Variants in LAMA2 observed in about 807,000 individuals in gnomAD.
LAMA2 encodes laminin subunit alpha 2.
LAMA2 carries 269 observed loss-of-function variants against 364.8 expected under a neutral mutation model. The ratio of observed to expected loss-of-function variants is 0.74; its 90% CI spans 0.67 to 0.82. The LOEUF is 0.82. Ranked by LOEUF, LAMA2 falls within the 40% of genes least tolerant of loss-of-function variation. LAMA2 has a pLI of 0.00. For synonymous variants in LAMA2, 1,379 were observed against 1,370.6 expected (o/e 1.01, Z -0.14); for missense variants, 3,807 against 3,873.2 (o/e 0.98, Z 0.45).
At chr6:129,455,136 G>A (rs1782887113) in intron 47 of LAMA2, among the ~76,000 whole-genome samples, 1 of 152,088 alleles carries the variant, frequency 6.6e-6, no homozygotes, top group South Asian at 2.1e-4. Flanking sequence ...GGAGGCTGAG[G>A]CAGGAGGATC....
intron 1 of LAMA2, among the ~76,000 whole-genome samples, chr6:128,940,731 C>A (rs898427800): frequency 6.6e-6 from 1 of 152,106 alleles, no homozygotes; most frequent in East Asian, 1.9e-4. Flanking sequence ...GTGAGAGAAT[C>A]GCTTGAGCTC....
chr6:129,293,149 A>G (rs1789837595), intron 20 of LAMA2: 1 of 904,280 alleles, frequency 1.1e-6, no homozygotes, highest in Non-Finnish European at 1.3e-6. Flanking sequence ...GTGGCATTTT[A>G]CCAAATAACA....
rs751758230 is a variant in LAMA2, at chr6:129,252,321, C to T, written c.2096+26C>T. ...GTAAAATCAAGAACTGCAGCTCCAA[C>T]GTTCACACATTTACTTTGGGGCCAA... On this transcript the variant is annotated intron_variant, in intron 14 of 64. Coordinates refer to ENST00000421865, the MANE Select transcript of LAMA2 (RefSeq NM_000426.4). 1.1e-5 allele frequency: 17 copies of T among 1,557,148 alleles called. No individual in the cohort carries two copies. The East Asian group carries it at 1.6e-4, about 14-fold the overall frequency.
Position 129,465,254 on chromosome 6 carries a change from G to A in LAMA2, c.7265G>A (p.Trp2422Ter). The change falls in exon 51 of 65, where the codon TGG becomes TAG. Residue 2422 changes from tryptophan (W) to a stop codon, truncating the protein, a stop_gained. Coordinates refer to ENST00000421865, the MANE Select transcript of LAMA2 (RefSeq NM_000426.4). LOFTEE classifies it high-confidence loss of function. ...VSNQNHNDGK[W>*]KSFTLSRIQK... ...AATCAAAACCATAATGATGGGAAAT[G>A]GAAATCATTCACTCTGTCAAGAATT... 1 of 1,611,512 alleles carries A rather than the reference G, an allele frequency of 6.2e-7. No homozygotes were observed. The highest frequency in any genetic ancestry group is 1.1e-5 in the South Asian group (1 of 91,036).
intron 27 of LAMA2, among the ~76,000 whole-genome samples, chr6:129,316,888 G>A (rs1206812512): frequency 3.3e-5 from 5 of 152,176 alleles, no homozygotes; most frequent in Admixed American, 2.6e-4. Flanking sequence ...TGTGACACAT[G>A]AGCCCAATAT....
At chr6:129,447,691 T>A (rs1782458568) in intron 45 of LAMA2, among the ~76,000 whole-genome samples, 1 of 152,244 alleles carries the variant, frequency 6.6e-6, no homozygotes, top group African/African-American at 2.4e-5. Context: ...CCAGAAGCAG[T>A]GTATGGGGTA....
At chr6:129,177,230 G>A (rs1391652906) in intron 9 of LAMA2, among the ~76,000 whole-genome samples, 2 of 152,008 alleles carry the variant, frequency 1.3e-5, no homozygotes, top group Non-Finnish European at 2.9e-5. Flanking sequence ...ACTGCCAGTG[G>A]CATGTTCTTA....
intron 1 of LAMA2, among the ~76,000 whole-genome samples, chr6:128,920,771 A>G (rs935313966): frequency 6.6e-6 from 1 of 151,964 alleles, no homozygotes; most frequent in African/African-American, 2.4e-5. Flanking sequence ...AATTCATGAG[A>G]CAAAATACAA....
intron 8 of LAMA2, among the ~76,000 whole-genome samples, chr6:129,163,787 A>G (rs1779583014): frequency 6.6e-6 from 1 of 152,210 alleles, no homozygotes; most frequent in African/African-American, 2.4e-5. Context: ...TCTTCCTCCT[A>G]TCATCTCTAC....
At chr6:129,448,208 T>C (rs6569602) in intron 45 of LAMA2, among the ~76,000 whole-genome samples, 93,767 of 151,830 alleles carry the variant, frequency 0.62, 29,323 homozygotes, top group African/African-American at 0.7. Flanking sequence ...TCACTTGCTC[T>C]GGAGGATGAG....
intron 1 of LAMA2, among the ~76,000 whole-genome samples, chr6:129,026,607 T>C (rs908905792): frequency 7.2e-5 from 11 of 152,172 alleles, no homozygotes; most frequent in African/African-American, 2.7e-4. Context: ...ACTTCATTCA[T>C]GTAAGAAGTA....
intron 1 of LAMA2, among the ~76,000 whole-genome samples, chr6:128,993,216 T>A (rs1783714744): frequency 6.6e-6 from 1 of 152,180 alleles, no homozygotes; most frequent in Non-Finnish European, 1.5e-5. Context: ...AGAAAATAAT[T>A]AAGCATTCTC....
intron 1 of LAMA2, among the ~76,000 whole-genome samples, chr6:128,954,713 C>T (rs994007105): frequency 1.3e-5 from 2 of 151,922 alleles, no homozygotes. Flanking sequence ...AGATATAATA[C>T]ATTTGGGTGA....
At chr6:129,504,766 G>T (rs934269178) in intron 60 of LAMA2, among the ~76,000 whole-genome samples, 2 of 152,224 alleles carry the variant, frequency 1.3e-5, no homozygotes, top group African/African-American at 4.8e-5. Context: ...TAGGCAAAGG[G>T]ATGTAGCGTA....
intron 1 of LAMA2, among the ~76,000 whole-genome samples, chr6:129,048,445 TTTCTTTCTTTCTTTC>T (rs1787697509): frequency 1.9e-5 from 1 of 52,414 alleles, no homozygotes; most frequent in African/African-American, 8.9e-5. Context: ...TTTTCTTTTC[TTTCTTTCTTTCTTTC>T]TTTCTTTCTT....
intron 12 of LAMA2, among the ~76,000 whole-genome samples, chr6:129,239,277 A>G (rs879661365): frequency 6.6e-6 from 1 of 152,192 alleles, no homozygotes; most frequent in Non-Finnish European, 1.5e-5. Context: ...GTTTTGCCCC[A>G]GGTAGTCCAG....
rs3798664 is a variant in LAMA2, at chr6:129,301,112, A to G, written c.3174+240A>G. 0.34 allele frequency among the ~76,000 whole-genome samples: 52,303 copies of G among 151,944 alleles called. 10,581 individuals are homozygous for G. Among genetic ancestry groups the G allele is most frequent in the Non-Finnish European group, 0.45 (30,471 of 67,880 alleles). On this transcript the variant is annotated intron_variant, in intron 22 of 64. Transcript: ENST00000421865. ...CTACAAGAGGGGTAAAAAGAACAAA[A>G]ATTCTGTAATAATACCAGAAAAGAG... is the stretch of plus-strand genomic sequence containing the variant.
intron 1 of LAMA2, among the ~76,000 whole-genome samples, chr6:128,955,570 GA>G (rs1781092395): frequency 6.6e-6 from 1 of 151,772 alleles, no homozygotes. Flanking sequence ...AAATGTCATA[GA>G]AAAAAATCAC....
chr6:128,942,918 A>C (rs1780248225), intron 1 of LAMA2, among the ~76,000 whole-genome samples: 1 of 152,182 alleles, frequency 6.6e-6, no homozygotes, highest in South Asian at 2.1e-4. Context: ...TGACTGCTCC[A>C]ATCGTAGTTT....
Sources: allele counts gnomAD v4.1 joint callset (sites outside exome capture counted in the v4.1 genomes callset), GRCh38; gene constraint gnomAD v4.1.1; transcripts MANE v1.5; gene names NCBI Gene and HGNC (gene_info 2026-07-23, HGNC 2026-07-21).